The following CTNNA2 variants were observed in gnomAD, a reference collection of about 807,000 sequenced individuals.
The protein encoded by CTNNA2 is catenin alpha-2.
CTNNA2 carries 42 observed loss-of-function variants against 101.0 expected under a neutral mutation model. That is an observed-to-expected ratio of 0.42 (90% CI 0.32 to 0.54). The LOEUF (loss-of-function observed/expected upper bound fraction) is 0.54, where lower values mean the gene tolerates loss of function less well. CTNNA2 is among the 20% of genes least tolerant of loss of function. The pLI is 0.14. For missense variants in CTNNA2, 871 were observed against 1,223.1 expected (o/e 0.71, Z 4.29); for synonymous variants, 450 against 456.4 (o/e 0.99, Z 0.18).
At chr2:79,532,932 A>G (rs1672833102) in intron 1 of CTNNA2, among the ~76,000 whole-genome samples, 1 of 151,974 alleles carries the variant, frequency 6.6e-6, no homozygotes, top group African/African-American at 2.4e-5. Flanking sequence ...CTCCCATTCC[A>G]AAAAGACATT....
chr2:80,120,627 A>G (rs965529472), intron 7 of CTNNA2, among the ~76,000 whole-genome samples: 1 of 152,176 alleles, frequency 6.6e-6, no homozygotes, highest in Non-Finnish European at 1.5e-5. Flanking sequence ...GGGTGAATGA[A>G]TTATTTAAGG....
intron 1 of CTNNA2, among the ~76,000 whole-genome samples, chr2:79,557,769 A>G (rs936803633): frequency 6.6e-6 from 1 of 151,950 alleles, no homozygotes. Flanking sequence ...ATTGAGATGA[A>G]TTGGCTTCTC....
intron 7 of CTNNA2, among the ~76,000 whole-genome samples, chr2:80,340,593 A>T (rs914694074): frequency 6.6e-6 from 1 of 152,228 alleles, no homozygotes; most frequent in African/African-American, 2.4e-5. Context: ...CCCTTTAGCC[A>T]TACAATGATG....
At chr2:79,936,195 G>A (rs764301258) in intron 7 of CTNNA2, among the ~76,000 whole-genome samples, 7 of 150,138 alleles carry the variant, frequency 4.7e-5, no homozygotes, top group Non-Finnish European at 1.0e-4. Flanking sequence ...GGCAGTACTC[G>A]TTTCCTCAGT....
At chr2:80,342,041 T>C (rs1014414436) in intron 7 of CTNNA2, among the ~76,000 whole-genome samples, 5 of 152,206 alleles carry the variant, frequency 3.3e-5, no homozygotes, top group African/African-American at 1.2e-4. Context: ...ATTTCATTTA[T>C]ATTACATATC....
chr2:79,519,173 G>A (rs1671966173), intron 1 of CTNNA2, among the ~76,000 whole-genome samples: 1 of 148,774 alleles, frequency 6.7e-6, no homozygotes, highest in African/African-American at 2.5e-5. Flanking sequence ...AGGCTGCAGT[G>A]AGCCGAGATG....
intron 9 of CTNNA2, among the ~76,000 whole-genome samples, chr2:80,443,513 A>G (rs539404635): frequency 6.6e-6 from 1 of 152,276 alleles, no homozygotes; most frequent in East Asian, 1.9e-4. Flanking sequence ...TTCATGGCCT[A>G]ATAGAAAGAA....
rs970085722 is a variant in CTNNA2, at chr2:80,379,491, G to GT, written c.1057-13713dup. ...AGTGGTTTGATTATGAATCTCTTGG[G>GT]TTTTTTTAGATATAGTGACTAATTC... On this transcript the variant is annotated intron_variant, in intron 7 of 18. Transcript: ENST00000402739. Among the ~76,000 whole-genome samples, 27 of 152,136 alleles carry GT rather than the reference G, an allele frequency of 1.8e-4. 1 individual carries two copies. The highest frequency in any genetic ancestry group is 3.4e-3 in the Middle Eastern group (1 of 294).
chr2:79,320,977 T>C (rs145868695), intron 3 of CTNNA2, among the ~76,000 whole-genome samples: 1 of 152,332 alleles, frequency 6.6e-6, no homozygotes, highest in East Asian at 1.9e-4. Context: ...TTTTCTTCAC[T>C]GATTCTAAAA....
chr2:80,162,566 A>G, intron 7 of CTNNA2: 1 of 1,609,684 alleles, frequency 6.2e-7, no homozygotes, highest in Non-Finnish European at 8.5e-7. Flanking sequence ...TTCCTCTGTA[A>G]TGATGGTCAG....
Position 80,293,713 on chromosome 2 carries a change from C to T in CTNNA2, c.1057-99498C>T, listed in dbSNP as rs143826005. Among the ~76,000 whole-genome samples, 38 of 152,250 alleles carry T rather than the reference C, an allele frequency of 2.5e-4. No homozygotes were observed. The East Asian group carries it at 6.4e-3, about 26-fold the overall frequency. ...CGGAGTAGAATTATCACCACTCCAC[C>T]GATCAGTGTCCTACTAGGATTTATG... is the stretch of plus-strand genomic sequence containing the variant. On this transcript the variant is annotated intron_variant, in intron 7 of 18. Transcript: ENST00000402739.
chr2:80,377,831 A>G (rs142458603), intron 7 of CTNNA2, among the ~76,000 whole-genome samples: 1 of 152,136 alleles, frequency 6.6e-6, no homozygotes, highest in Admixed American at 6.5e-5. Context: ...TTCTGGAAGA[A>G]CTAAGATTTT....
chr2:80,587,001 G>T (rs1351318051), intron 14 of CTNNA2, among the ~76,000 whole-genome samples: 9 of 152,082 alleles, frequency 5.9e-5, no homozygotes, highest in Admixed American at 1.3e-4. Context: ...AGTGACCCTT[G>T]CCCCACTTGG....
chr2:79,191,796 T>A (rs979015653), intron 1 of CTNNA2, among the ~76,000 whole-genome samples: 1 of 152,168 alleles, frequency 6.6e-6, no homozygotes, highest in Non-Finnish European at 1.5e-5. Context: ...CAAGCATGTG[T>A]GGTAAGCAAA....
chr2:79,706,609 A>T (rs1369810562), intron 2 of CTNNA2, among the ~76,000 whole-genome samples: 1 of 152,146 alleles, frequency 6.6e-6, no homozygotes, highest in Non-Finnish European at 1.5e-5. Flanking sequence ...TCTCTGAAAG[A>T]CCTTCAGGGA....
Position 80,607,726 on chromosome 2 carries a change from A to T in CTNNA2, c.2296-458A>T, listed in dbSNP as rs546206698. On this transcript the variant is annotated intron_variant, in intron 16 of 18. Coordinates refer to ENST00000402739, the MANE Select transcript of CTNNA2 (RefSeq NM_001282597.3). ...TGATACATTTATTAGAGAACAAAGG[A>T]AACAAATTGATTTTCTTCCCCCAAC... 3.9e-4 allele frequency among the ~76,000 whole-genome samples: 60 copies of T among 152,048 alleles called. No individual in the cohort carries two copies. The Middle Eastern group carries it at 0.014, about 34-fold the overall frequency.
Position 79,799,023 on chromosome 2 carries a change from T to A in CTNNA2, c.298+54441T>A, listed in dbSNP as rs553116750. 2.0e-5 allele frequency among the ~76,000 whole-genome samples: 3 copies of A among 152,288 alleles called. No individual in the cohort carries two copies. The East Asian group carries it at 5.8e-4, about 29-fold the overall frequency. On this transcript the variant is annotated intron_variant, in intron 3 of 18. Coordinates refer to ENST00000402739, the MANE Select transcript of CTNNA2 (RefSeq NM_001282597.3). ...ATTATCCTGCTATAGTACATCTTAC[T>A]CTCTTTTGTTGTTCTCTCTGGTGAG...
chr2:80,598,820 TAACAA>T (rs1697215522), intron 15 of CTNNA2, among the ~76,000 whole-genome samples: 1 of 152,212 alleles, frequency 6.6e-6, no homozygotes, highest in Admixed American at 6.5e-5. Context: ...ATTCCTGACA[TAACAA>T]ACTTGTAGAG....
At position 80,300,793 on chromosome 2, in the gene CTNNA2, C is replaced by T. The variant is rs1676213225; in HGVS notation, c.1057-92418C>T. Among the ~76,000 whole-genome samples the T allele has an allele frequency of 2.6e-5, 4 of 152,044 alleles. No individual in the cohort carries two copies. The South Asian group carries it at 6.2e-4, about 24-fold the overall frequency. The stretch of plus-strand genomic sequence containing the variant: ...ATTGTCATCTGATGAAGGAGCCCTC[C>T]GTCCAATGCACACAGCCTTCCCCTT... On this transcript the variant is annotated intron_variant, in intron 7 of 18. Coordinates refer to ENST00000402739, the MANE Select transcript of CTNNA2 (RefSeq NM_001282597.3).
Sources: gnomAD v4.1 joint callset for allele counts (sites outside exome capture counted in the v4.1 genomes callset) on GRCh38, gnomAD v4.1.1 for gene constraint, MANE v1.5 for transcripts, NCBI Gene and HGNC (gene_info 2026-07-23, HGNC 2026-07-21) for gene names.